The following FHOD3 variants were observed in gnomAD, a reference collection of about 807,000 sequenced individuals.
FHOD3 encodes formin homology 2 domain containing 3.
FHOD3 carries 90 observed loss-of-function variants against 173.0 expected under a neutral mutation model. The observed-to-expected ratio is 0.52, with a 90% CI of 0.44 to 0.62. The LOEUF (loss-of-function observed/expected upper bound fraction) is 0.62. FHOD3 is among the 20% of genes least tolerant of loss of function. The probability of loss-of-function intolerance (pLI) is 0.00; values close to 1 mark genes in which losing one functional copy is unlikely to be tolerated. For synonymous variants in FHOD3, 828 were observed against 823.0 expected, an observed-to-expected ratio of 1.01 and a Z score of -0.10; for missense variants, 1,945 against 2,034.7, an observed-to-expected ratio of 0.96 and a Z score of 0.85.
intron 6 of FHOD3, among the ~76,000 whole-genome samples, chr18:36,580,111 A>G (rs1206469252): frequency 1.3e-5 from 2 of 152,212 alleles, no homozygotes; most frequent in Non-Finnish European, 2.9e-5. Context: ...TAACATGGAA[A>G]AATTATAAAA....
At chr18:36,481,912 G>A (rs942557743) in intron 3 of FHOD3, among the ~76,000 whole-genome samples, 1 of 152,118 alleles carries the variant, frequency 6.6e-6, no homozygotes, top group African/African-American at 2.4e-5. Context: ...ATTAATTCAT[G>A]TTTCCTCAAC....
chr18:36,464,801 C>T (rs2052805380), intron 3 of FHOD3, among the ~76,000 whole-genome samples: 1 of 151,884 alleles, frequency 6.6e-6, no homozygotes, highest in Non-Finnish European at 1.5e-5. Context: ...AGAACAAAGA[C>T]TCATCTTTCA....
At chr18:36,594,712 C>G in intron 6 of FHOD3, 75 bp from the exon 7 acceptor site, 1 of 998,624 alleles carries the variant, frequency 1.0e-6, no homozygotes. Context: ...TGGGTGCCCG[C>G]TGCGGTTAGG....
At chr18:36,692,916 C>G (rs1392951832) in intron 16 of FHOD3, 7 of 408,564 alleles carry the variant, frequency 1.7e-5, no homozygotes, top group Non-Finnish European at 2.7e-5. Context: ...TGCTTATTTA[C>G]AAATGTTCCC....
chr18:36,298,968 T>C (rs965131838), intron 1 of FHOD3, among the ~76,000 whole-genome samples: 3 of 152,026 alleles, frequency 2.0e-5, no homozygotes, highest in African/African-American at 7.2e-5. Context: ...ATATCAAAGC[T>C]TGGAGATGAT....
chr18:36,319,087 C>A (rs1427779601), intron 1 of FHOD3, among the ~76,000 whole-genome samples: 1 of 152,058 alleles, frequency 6.6e-6, no homozygotes, highest in Non-Finnish European at 1.5e-5. Context: ...TTGATCATGG[C>A]AGATAAGCTT....
intron 20 of FHOD3, 117 bp from the exon 21 acceptor site, chr18:36,740,539 C>T: frequency 9.6e-7 from 1 of 1,045,140 alleles, no homozygotes; most frequent in Non-Finnish European, 1.4e-6. Context: ...CAATATAACA[C>T]CTGTACATAC....
At chr18:36,701,455 A>G (rs2039585130) in intron 17 of FHOD3, among the ~76,000 whole-genome samples, 1 of 152,170 alleles carries the variant, frequency 6.6e-6, no homozygotes, top group Non-Finnish European at 1.5e-5. Flanking sequence ...AGCATTATAT[A>G]CATATTTAAG....
At chr18:36,568,612 A>G (rs563940697) in intron 5 of FHOD3, among the ~76,000 whole-genome samples, 30 of 151,952 alleles carry the variant, frequency 2.0e-4, no homozygotes, top group Admixed American at 2.0e-3. Flanking sequence ...TAGTACACAT[A>G]CAGAGCTCAA....
chr18:36,311,121 T>C (rs987108836), intron 1 of FHOD3, among the ~76,000 whole-genome samples: 2 of 148,776 alleles, frequency 1.3e-5, no homozygotes, highest in African/African-American at 2.5e-5. Context: ...AGAAAGGAGA[T>C]GGATGGATGG....
chr18:36,332,592 T>G (rs1463421073), intron 1 of FHOD3, among the ~76,000 whole-genome samples: 1 of 152,220 alleles, frequency 6.6e-6, no homozygotes, highest in African/African-American at 2.4e-5. Context: ...AATGCAGGTG[T>G]GAAACACTTG....
At chr18:36,394,960 G>A (rs1824266324) in intron 3 of FHOD3, among the ~76,000 whole-genome samples, 2 of 152,060 alleles carry the variant, frequency 1.3e-5, no homozygotes, top group South Asian at 4.2e-4. Context: ...GTGCTACAAG[G>A]TTTTTACATA....
chr18:36,702,293 C>G (rs1314482831), intron 17 of FHOD3, among the ~76,000 whole-genome samples: 1 of 152,156 alleles, frequency 6.6e-6, no homozygotes, highest in East Asian at 1.9e-4. Flanking sequence ...GACAGTCTCC[C>G]AGAAGAAGGA....
intron 1 of FHOD3, among the ~76,000 whole-genome samples, chr18:36,342,240 TA>T (rs2045660212): frequency 6.6e-6 from 1 of 152,116 alleles, no homozygotes; most frequent in Admixed American, 6.5e-5. Flanking sequence ...GTCATGGGTC[TA>T]AAATATATGT....
intron 9 of FHOD3, among the ~76,000 whole-genome samples, chr18:36,617,443 T>C (rs1430337252): frequency 6.6e-6 from 1 of 152,222 alleles, no homozygotes; most frequent in Non-Finnish European, 1.5e-5. Context: ...CATGTTGATA[T>C]ATGGATAACA....
At chr18:36,651,995 G>A (rs2036086976) in intron 11 of FHOD3, among the ~76,000 whole-genome samples, 1 of 152,152 alleles carries the variant, frequency 6.6e-6, no homozygotes. Context: ...TGTCTTTTTT[G>A]TCCTGGCCCC....
intron 26 of FHOD3, among the ~76,000 whole-genome samples, chr18:36,759,465 C>G (rs1339402979): frequency 6.6e-6 from 1 of 152,176 alleles, no homozygotes; most frequent in African/African-American, 2.4e-5. Flanking sequence ...CCTTTGGCAA[C>G]TTAAATATGA....
intron 24 of FHOD3, 132 bp from the exon 25 acceptor site, chr18:36,754,975 CTTTATTATTATT>C (rs1432716056): frequency 1.3e-4 from 20 of 154,702 alleles, no homozygotes; most frequent in African/African-American, 7.1e-4. Flanking sequence ...TTGTTGGTTT[CTTTATTATTATT>C]ATTATTATTA....
intron 17 of FHOD3, among the ~76,000 whole-genome samples, chr18:36,706,753 G>A (rs1437868920): frequency 6.6e-6 from 1 of 152,198 alleles, no homozygotes. Context: ...CTGTAATGAA[G>A]CCGCCAGGAG....
Sources: allele counts gnomAD v4.1 joint callset (sites outside exome capture counted in the v4.1 genomes callset), GRCh38; gene constraint gnomAD v4.1.1; transcripts MANE v1.5; gene names NCBI Gene and HGNC (gene_info 2026-07-23, HGNC 2026-07-21).